Variants in PUM1 observed in about 807,000 individuals in gnomAD.
PUM1 encodes pumilio homolog 1.
A neutral mutation model predicts 131.8 loss-of-function variants in PUM1; 13 were observed. That is an observed-to-expected ratio of 0.10 (90% confidence interval 0.06 to 0.16). PUM1 has a LOEUF of 0.16. Among genes scored for constraint, PUM1 ranks in the 10% least tolerant of loss-of-function variants. The pLI is 1.00. For missense variants in PUM1, 961 were observed against 1,512.4 expected, an observed-to-expected ratio of 0.64 and a Z score of 6.05; for synonymous variants, 509 against 556.5, an observed-to-expected ratio of 0.91 and a Z score of 1.20.
chr1:30,968,435 G>C lies in PUM1; in HGVS notation c.1564C>G (p.Gln522Glu). 6.3e-7 allele frequency: 1 copy of C among 1,599,438 alleles called. No individual in the cohort carries two copies. Among genetic ancestry groups the C allele is most frequent in the Non-Finnish European group, 8.5e-7 (1 of 1,175,602 alleles). ...PLTPNQNQQG[Q>E]QTDPLVAAAA... ...GCTGCCACAAGGGGATCCGTTTGCT[G>C]TCCCTGCTGGTTCTGGTTTGGGGTC... Residue 522 changes from glutamine (Q) to glutamate (E), a missense_variant, in exon 11 of 22, where the codon CAG becomes GAG. By Grantham distance (29) the Gln-to-Glu change is conservative (BLOSUM62 2). Transcript: ENST00000426105.
intron 7 of PUM1, 125 bp from the exon 8 acceptor site, chr1:30,981,530 T>C: frequency 1.8e-6 from 1 of 547,480 alleles, no homozygotes; most frequent in Non-Finnish European, 3.3e-6. Context: ...ATAAATGTTC[T>C]CACACTCTAC....
chr1:30,999,663 C>T (rs1642133569), intron 5 of PUM1, among the ~76,000 whole-genome samples: 1 of 134,920 alleles, frequency 7.4e-6, no homozygotes, highest in Non-Finnish European at 1.6e-5. Flanking sequence ...CCAGGGTGCA[C>T]AGAACCTACA....
rs1349208330 is a variant in PUM1 at position 30,953,795 on chromosome 1, C to T, written c.2510G>A (p.Arg837Gln). 2 of 1,614,180 alleles carry T rather than the reference C, an allele frequency of 1.2e-6. No individual in the cohort carries two copies. Among genetic ancestry groups the T allele is most frequent in the Non-Finnish European group, 1.7e-6 (2 of 1,180,032 alleles). ...TTGTAAATTGGGGTACCGGTTGTTT[C>T]GAAAATCTTCCAAAAGCCTGCTCCT... ...SGRSRLLEDF[R>Q]NNRYPNLQLR... Residue 837 changes from arginine (R) to glutamine (Q), a missense_variant, in exon 15 of 22, where the codon CGA becomes CAA. Arg to Gln is a conservative substitution (Grantham distance 43). This residue lies in a region of PUM1 where 117 missense variants were observed against 200.7 expected (regional missense o/e 0.58). Transcript: ENST00000426105.
intron 7 of PUM1, among the ~76,000 whole-genome samples, chr1:30,987,309 G>T (rs1420061701): frequency 6.6e-6 from 1 of 151,368 alleles, no homozygotes; most frequent in Non-Finnish European, 1.5e-5. Context: ...TGATTCTCCT[G>T]CCTCAGCCTC....
intron 20 of PUM1, among the ~76,000 whole-genome samples, chr1:30,940,376 T>C (rs1014580811): frequency 1.8e-4 from 27 of 152,228 alleles, no homozygotes; most frequent in Admixed American, 1.6e-3. Flanking sequence ...CTTGAAAGCC[T>C]GAGGTAGGAG....
chr1:30,937,171 G>A (rs1639245895), intron 20 of PUM1, among the ~76,000 whole-genome samples: 2 of 152,088 alleles, frequency 1.3e-5, no homozygotes, highest in South Asian at 2.1e-4. Flanking sequence ...ATGGGACCCG[G>A]CCCTCTAACG....
At position 31,009,782 on chromosome 1, in the gene PUM1, A is replaced by C. The variant is rs6702618; in HGVS notation, c.433-2680T>G. Among the ~76,000 whole-genome samples the C allele has an allele frequency of 1.1e-3, 141 of 125,324 alleles. 3 individuals carry two copies. The highest frequency in any genetic ancestry group is 0.011 in the East Asian group (46 of 4,308). 82.2% of individuals were successfully genotyped at this position (125,324 alleles called of 152,430 possible). On this transcript the variant is annotated intron_variant, in intron 3 of 21. Transcript: ENST00000426105. ...GACTCTGTCTCAAAAAAAAAAAAAA[A>C]AAAAACAAAAACAGAAACAAAAAAA...
intron 3 of PUM1, among the ~76,000 whole-genome samples, chr1:31,025,545 CTTTTTTTT>C (rs35510099): frequency 1.1e-5 from 1 of 88,822 alleles, no homozygotes; most frequent in African/African-American, 4.6e-5. Flanking sequence ...TGTTTTTTGT[CTTTTTTTT>C]TTTTTTTTTT....
At chr1:31,025,633 A>G (rs1004904502) in intron 3 of PUM1, among the ~76,000 whole-genome samples, 1 of 139,660 alleles carries the variant, frequency 7.2e-6, no homozygotes, top group African/African-American at 2.6e-5. Flanking sequence ...TGGGCTCAGT[A>G]CAACCTCCAC....
chr1:31,057,270 T>G (rs915682688), intron 2 of PUM1, among the ~76,000 whole-genome samples: 2 of 151,554 alleles, frequency 1.3e-5, no homozygotes, highest in Admixed American at 1.3e-4. Flanking sequence ...GGGTGTAGTG[T>G]TGCAAACCTG....
chr1:31,043,622 G>A (rs1430971623), intron 2 of PUM1, among the ~76,000 whole-genome samples: 3 of 152,128 alleles, frequency 2.0e-5, no homozygotes. Context: ...AAGAAAAATT[G>A]TCACCAGCAG....
At chr1:31,042,437 A>G (rs908414797) in intron 2 of PUM1, among the ~76,000 whole-genome samples, 6 of 152,170 alleles carry the variant, frequency 3.9e-5, no homozygotes, top group African/African-American at 1.4e-4. Flanking sequence ...TAAAAATTAA[A>G]AGAGAGATAA....
intron 20 of PUM1, among the ~76,000 whole-genome samples, chr1:30,938,970 C>T (rs965659142): frequency 2.6e-5 from 4 of 152,122 alleles, no homozygotes; most frequent in African/African-American, 7.2e-5. Context: ...CAGATACATA[C>T]ATACATACAT....
At chr1:31,009,767 C>CAAAAAAAAAAAAAAAA (rs751375199) in intron 3 of PUM1, among the ~76,000 whole-genome samples, 1 of 54,682 alleles carries the variant, frequency 1.8e-5, no homozygotes, top group Admixed American at 2.2e-4. Context: ...GACTCTGTCT[C>CAAAAAAAAAAAAAAAA]AAAAAAAAAA....
In PUM1 at chr1:31,005,712, GT is replaced by G. The variant is rs1220831257; in HGVS notation, c.720+140del. 1.2e-5 allele frequency: 9 copies of G among 777,064 alleles called. No individual in the cohort carries two copies. The East Asian group carries it at 2.2e-4, about 19-fold the overall frequency. 48.1% of individuals were successfully genotyped at this position (777,064 alleles called of 1,614,324 possible). A position where few individuals can be genotyped will look rare whatever the true frequency, so the allele number is the denominator to read the frequency against. On this transcript the variant is annotated intron_variant, in intron 5 of 21. Coordinates refer to ENST00000426105, the MANE Select transcript of PUM1 (RefSeq NM_001020658.2). Reference sequence around the variant, plus strand: ...TTGCTGAGTTCTATTTACAACAAACGTTGTTTGAAAATACCCTGTAATTAAT... The same window carrying G: ...TTGCTGAGTTCTATTTACAACAAACGTGTTTGAAAATACCCTGTAATTAAT...
At chr1:30,933,370 A>C in intron 21 of PUM1, 28 bp from the exon 22 acceptor site, 12 of 1,604,538 alleles carry the variant, frequency 7.5e-6, no homozygotes, top group Non-Finnish European at 9.4e-6. Flanking sequence ...TCTGTGTTAC[A>C]TGGCCTGAGA....
intron 3 of PUM1, among the ~76,000 whole-genome samples, chr1:31,016,409 G>T (rs903411921): frequency 5.3e-5 from 8 of 151,970 alleles, no homozygotes; most frequent in Admixed American, 3.9e-4. Flanking sequence ...ATAAAGCAAA[G>T]AATTTTTAAG....
At chr1:31,057,735 A>C (rs1179285080) in intron 2 of PUM1, among the ~76,000 whole-genome samples, 1 of 151,474 alleles carries the variant, frequency 6.6e-6, no homozygotes, top group East Asian at 1.9e-4. Flanking sequence ...AAAAAAAAAA[A>C]AAAAAAAAAA....
rs767390814 is a variant in PUM1, at chr1:30,933,319, A to C, written c.3459T>G (p.Leu1153=). 15 of 1,613,800 alleles carry C rather than the reference A, an allele frequency of 9.3e-6. No individual in the cohort carries two copies. The highest frequency in any genetic ancestry group is 1.7e-5 in the Admixed American group (1 of 59,988). The change falls in exon 22 of 22, where the codon CTT becomes CTG. Residue 1153 remains leucine (L), a synonymous_variant. Transcript: ENST00000426105. The part of the protein sequence containing the change: ...MHKIRPHIAT[L]RKYTYGKHIL... ...TGTGCTTGCCATAGGTGTACTTACGAAGAGTTGCGATGTGGGGCCGGATCT... is the reference window on the plus strand; with the variant it reads ...TGTGCTTGCCATAGGTGTACTTACGCAGAGTTGCGATGTGGGGCCGGATCT...
Sources: allele counts gnomAD v4.1 joint callset (sites outside exome capture counted in the v4.1 genomes callset), GRCh38; gene constraint gnomAD v4.1.1; regional missense constraint gnomAD v4.1.1; transcripts MANE v1.5; gene names NCBI Gene and HGNC (gene_info 2026-07-23, HGNC 2026-07-21).